ZEB1: variants seen among roughly 807,000 people sequenced by gnomAD.
ZEB1 encodes the protein zinc finger E-box binding homeobox 1.
ZEB1 carries 21 observed loss-of-function variants against 84.9 expected under a neutral mutation model. The ratio of observed to expected loss-of-function variants is 0.25; its 90% CI spans 0.18 to 0.36. The LOEUF (loss-of-function observed/expected upper bound fraction) is 0.36. Among genes scored for constraint, ZEB1 ranks in the 10% least tolerant of loss-of-function variants. The pLI is 1.00. For synonymous variants in ZEB1, 420 were observed against 471.1 expected (o/e 0.89, Z 1.41); for missense variants, 1,104 against 1,330.2 (o/e 0.83, Z 2.65).
intron 1 of ZEB1, among the ~76,000 whole-genome samples, chr10:31,440,181 C>A (rs910121390): frequency 5.3e-5 from 8 of 152,118 alleles, no homozygotes; most frequent in Admixed American, 4.6e-4. Context: ...TTGGCCTGAA[C>A]AACTGGAGGA....
intron 1 of ZEB1, chr10:31,319,494 C>G: frequency 1.6e-6 from 1 of 610,756 alleles, no homozygotes; most frequent in East Asian, 2.8e-5. Flanking sequence ...CTCGCTCTCC[C>G]TGAACCGTTA....
At chr10:31,447,679 A>C (rs1199576697) in intron 1 of ZEB1, among the ~76,000 whole-genome samples, 1 of 149,992 alleles carries the variant, frequency 6.7e-6, no homozygotes, top group Non-Finnish European at 1.5e-5. Context: ...TATGAAGCTT[A>C]GTTTGGCTGG....
At chr10:31,327,182 C>G (rs1384811946) in intron 1 of ZEB1, among the ~76,000 whole-genome samples, 6 of 145,986 alleles carry the variant, frequency 4.1e-5, no homozygotes, top group Non-Finnish European at 7.4e-5. Flanking sequence ...GCGATATCAG[C>G]TCACTGCAAC....
chr10:31,378,026 A>G (rs1371394952), intron 1 of ZEB1, among the ~76,000 whole-genome samples: 1 of 150,726 alleles, frequency 6.6e-6, no homozygotes, highest in Non-Finnish European at 1.5e-5. Flanking sequence ...ATACATATAT[A>G]TAGTATGTAT....
At chr10:31,506,841 T>C (rs1430895547) in intron 4 of ZEB1, among the ~76,000 whole-genome samples, 1 of 152,144 alleles carries the variant, frequency 6.6e-6, no homozygotes, top group Non-Finnish European at 1.5e-5. Flanking sequence ...TCTTTCTTAC[T>C]GATTATTATT....
At chr10:31,420,345 G>C (rs542498084) in intron 1 of ZEB1, among the ~76,000 whole-genome samples, 2 of 152,222 alleles carry the variant, frequency 1.3e-5, no homozygotes, top group Non-Finnish European at 2.9e-5. Context: ...TACCAGCCAG[G>C]CTACATTCTC....
Position 31,520,330 on chromosome 10 carries a change from T to C in ZEB1, c.998T>C (p.Ile333Thr), listed in dbSNP as rs747652843. Residue 333 changes from isoleucine to threonine, a missense_variant, in exon 7 of 9, where the codon ATA becomes ACA. By Grantham distance (89) the Ile-to-Thr change is moderately conservative. Coordinates refer to ENST00000424869, the MANE Select transcript of ZEB1 (RefSeq NM_001174096.2). The surrounding 1 kb of genome is among the most constrained non-coding windows in gnomAD (Gnocchi z 5.1). Reference sequence around the variant, plus strand: ...ACACGACCACAGATACGGCAAAAGATAGAGAATAAACCCCTTCAAGAACAA... The same window carrying C: ...ACACGACCACAGATACGGCAAAAGACAGAGAATAAACCCCTTCAAGAACAA... ...SPTRPQIRQKIENKPLQEQLS... is the reference protein window; with the variant it reads ...SPTRPQIRQKTENKPLQEQLS... 3.1e-5 allele frequency: 50 copies of C among 1,613,794 alleles called. No individual in the cohort carries two copies. The highest frequency in any genetic ancestry group is 4.2e-5 in the Non-Finnish European group (49 of 1,179,906).
intron 1 of ZEB1, among the ~76,000 whole-genome samples, chr10:31,391,689 T>G (rs1190634142): frequency 6.6e-6 from 1 of 152,186 alleles, no homozygotes; most frequent in Non-Finnish European, 1.5e-5. Context: ...AAGACTGACT[T>G]CCTTTTGTTT....
chr10:31,474,697 T>TA (rs1160115888), intron 2 of ZEB1, among the ~76,000 whole-genome samples: 1 of 151,970 alleles, frequency 6.6e-6, no homozygotes, highest in Non-Finnish European at 1.5e-5. Context: ...TTGACCCAGC[T>TA]ATCCCATTAC....
At chr10:31,376,980 A>T (rs567934208) in intron 1 of ZEB1, among the ~76,000 whole-genome samples, 95 of 151,744 alleles carry the variant, frequency 6.3e-4, no homozygotes, top group African/African-American at 2.3e-3. Context: ...ACAAAAAAAA[A>T]GTCCGTGAAA....
At position 31,439,643 on chromosome 10, in the gene ZEB1, T is replaced by G. The variant is rs915540571; in HGVS notation, c.59-21394T>G. Among the ~76,000 whole-genome samples, 10 of 150,120 alleles carry G rather than the reference T, an allele frequency of 6.7e-5. No individual in the cohort carries two copies. In the South Asian group the frequency reaches 8.4e-4, roughly 13 times the overall value. On this transcript the variant is annotated intron_variant, in intron 1 of 8. Transcript: ENST00000424869. ...TAGTGACAAGTATTTTTAAAAGAAA[T>G]AAATTGAGGGAGAATAGGGAGTGCA...
chr10:31,442,439 A>G (rs1289028870), intron 1 of ZEB1, among the ~76,000 whole-genome samples: 1 of 152,144 alleles, frequency 6.6e-6, no homozygotes, highest in Non-Finnish European at 1.5e-5. Context: ...GGATAGCGTT[A>G]GGAGATACAC....
intron 1 of ZEB1, chr10:31,321,277 A>C: frequency 1.5e-6 from 2 of 1,336,450 alleles, no homozygotes; most frequent in Non-Finnish European, 1.9e-6. Flanking sequence ...ATCCATAATT[A>C]TATTTTTAAT....
At chr10:31,519,493 C>G (rs989378372) in intron 6 of ZEB1, among the ~76,000 whole-genome samples, 1 of 152,146 alleles carries the variant, frequency 6.6e-6, no homozygotes, top group African/African-American at 2.4e-5. Context: ...TCCACTGTCA[C>G]TAAAATTGAA....
At chr10:31,465,717 A>T (rs1329921256) in intron 2 of ZEB1, among the ~76,000 whole-genome samples, 1 of 152,044 alleles carries the variant, frequency 6.6e-6, no homozygotes, top group Non-Finnish European at 1.5e-5. Context: ...GGACTCAAGC[A>T]GTCTTCTTGC....
At chr10:31,333,778 G>A (rs867114339) in intron 1 of ZEB1, among the ~76,000 whole-genome samples, 2 of 151,938 alleles carry the variant, frequency 1.3e-5, no homozygotes, top group Non-Finnish European at 2.9e-5. Context: ...TATTAGATGG[G>A]ATAAAATAAC....
intron 2 of ZEB1, among the ~76,000 whole-genome samples, chr10:31,469,643 C>A (rs2062928250): frequency 6.6e-6 from 1 of 152,336 alleles, no homozygotes; most frequent in Non-Finnish European, 1.5e-5. Context: ...GGGAGGGGCG[C>A]CCGCCATTGC....
At chr10:31,510,297 C>T (rs1320999436) in intron 4 of ZEB1, among the ~76,000 whole-genome samples, 2 of 152,170 alleles carry the variant, frequency 1.3e-5, no homozygotes, top group Non-Finnish European at 2.9e-5. Flanking sequence ...CAAAATTCCC[C>T]TTTAATCTGT....
At chr10:31,411,398 G>A (rs1021174930) in intron 1 of ZEB1, among the ~76,000 whole-genome samples, 7 of 152,276 alleles carry the variant, frequency 4.6e-5, no homozygotes, top group South Asian at 2.1e-4. Context: ...TTGGGAGGCC[G>A]AGGCGAGTGG....
Sources: allele counts gnomAD v4.1 joint callset (sites outside exome capture counted in the v4.1 genomes callset), GRCh38; gene constraint gnomAD v4.1.1; non-coding constraint Gnocchi (gnomAD v3.1); transcripts MANE v1.5; gene names NCBI Gene and HGNC (gene_info 2026-07-23, HGNC 2026-07-21).